BCKDHB: variants seen among roughly 807,000 people sequenced by gnomAD.
BCKDHB encodes the protein 2-oxoisovalerate dehydrogenase subunit beta, mitochondrial.
A neutral mutation model predicts 48.5 loss-of-function variants in BCKDHB; 41 were observed. The ratio of observed to expected loss-of-function variants is 0.85; its 90% CI spans 0.66 to 1.10. BCKDHB has a LOEUF of 1.10. BCKDHB is among the 50% of genes least tolerant of loss of function. BCKDHB has a pLI of 0.00. For synonymous variants in BCKDHB, 201 were observed against 174.8 expected (o/e 1.15, Z -1.18); for missense variants, 496 against 494.2 (o/e 1.00, Z -0.03).
intron 8 of BCKDHB, among the ~76,000 whole-genome samples, chr6:80,258,618 G>C (rs1777157451): frequency 6.6e-6 from 1 of 152,202 alleles, no homozygotes; most frequent in Non-Finnish European, 1.5e-5. Context: ...CCGGGAGAGT[G>C]AGTACCTGCC....
At chr6:80,267,578 A>G (rs1449238993) in intron 8 of BCKDHB, among the ~76,000 whole-genome samples, 1 of 152,086 alleles carries the variant, frequency 6.6e-6, no homozygotes, top group Non-Finnish European at 1.5e-5. Flanking sequence ...TTGTGAGGGG[A>G]CTGACATGCC....
the BCKDHB span, among the ~76,000 whole-genome samples, chr6:80,361,767 G>A: frequency 6.6e-6 from 1 of 152,156 alleles, no homozygotes; most frequent in Admixed American, 6.5e-5. Flanking sequence ...CTTGGAAGCC[G>A]CACATGAAAG....
the BCKDHB span, among the ~76,000 whole-genome samples, chr6:80,376,606 G>T: frequency 6.6e-6 from 1 of 151,432 alleles, no homozygotes; most frequent in East Asian, 2.0e-4. Context: ...TCTGCATACT[G>T]CTCTGTCTGA....
At chr6:80,116,035 A>G (rs1489534885) in intron 1 of BCKDHB, among the ~76,000 whole-genome samples, 2 of 152,192 alleles carry the variant, frequency 1.3e-5, no homozygotes, top group East Asian at 3.9e-4. Flanking sequence ...AATTTTCTGT[A>G]TCATAGCTGT....
At chr6:80,205,794 GTGTGT>G (rs1562135392) in intron 8 of BCKDHB, among the ~76,000 whole-genome samples, 8 of 107,092 alleles carry the variant, frequency 7.5e-5, no homozygotes, top group African/African-American at 2.4e-4. Context: ...TGCCATGGGT[GTGTGT>G]GTGTGTGTGT....
chr6:80,106,643 C>G (rs935014031), upstream of BCKDHB: 1 of 1,533,316 alleles, frequency 6.5e-7, no homozygotes, highest in Non-Finnish European at 8.8e-7. Flanking sequence ...TCCGCCCTCC[C>G]CGCAGGCGGC....
chr6:80,221,889 A>G (rs956477185), intron 8 of BCKDHB, among the ~76,000 whole-genome samples: 1 of 152,232 alleles, frequency 6.6e-6, no homozygotes, highest in Non-Finnish European at 1.5e-5. Flanking sequence ...AATAGCCACA[A>G]TTCAGAATTG....
chr6:80,135,836 C>G (rs1276781524), intron 3 of BCKDHB: 1 of 152,154 alleles, frequency 6.6e-6, no homozygotes, highest in African/African-American at 2.4e-5. Flanking sequence ...CCCATTTTCT[C>G]TCCAACAGTC....
In BCKDHB at chr6:80,344,348, ATTTTT is replaced by A. The variant is rs10579475; in HGVS notation, c.*556_*560del. On this transcript the variant is annotated 3_prime_UTR_variant, in exon 10 of 10. Transcript: ENST00000320393. ...AACATATCTAGCATATGTATATGTGATTTTTTTTTTTTTTTTGAGACCGAGTCTCA... is the reference window on the plus strand; with the variant it reads ...AACATATCTAGCATATGTATATGTGATTTTTTTTTTTGAGACCGAGTCTCA... 3 of 141,008 alleles carry A rather than the reference ATTTTT, an allele frequency of 2.1e-5. No homozygotes were observed. The highest frequency in any genetic ancestry group is 4.4e-4 in the South Asian group (2 of 4,562). The allele number at this position is 141,008 out of a possible 1,614,324, so 8.7% of individuals were successfully genotyped here. A position where few individuals can be genotyped will look rare whatever the true frequency, so the allele number is the denominator to read the frequency against.
At chr6:80,335,224 T>A (rs1348401888) in intron 9 of BCKDHB, among the ~76,000 whole-genome samples, 1 of 105,558 alleles carries the variant, frequency 9.5e-6, no homozygotes, top group Admixed American at 1.3e-4. Flanking sequence ...GATGAAGAAT[T>A]TTGTGGGAAA....
At chr6:80,141,837 A>G (rs1158623889) in intron 3 of BCKDHB, among the ~76,000 whole-genome samples, 1 of 152,118 alleles carries the variant, frequency 6.6e-6, no homozygotes, top group Non-Finnish European at 1.5e-5. Flanking sequence ...TGACATCCAC[A>G]TCCTCAAGCC....
chr6:80,405,070 C>T, the BCKDHB span, among the ~76,000 whole-genome samples: 1 of 152,116 alleles, frequency 6.6e-6, no homozygotes, highest in East Asian at 1.9e-4. Flanking sequence ...TATAGTGCTG[C>T]TCATGTTTAC....
the BCKDHB span, among the ~76,000 whole-genome samples, chr6:80,389,315 G>C: frequency 6.6e-6 from 1 of 152,312 alleles, no homozygotes; most frequent in Non-Finnish European, 1.5e-5. Flanking sequence ...GGCTGACCTG[G>C]CTATGGCCAC....
chr6:80,394,880 A>G, the BCKDHB span, among the ~76,000 whole-genome samples: 9,634 of 152,138 alleles, frequency 0.063, 451 homozygotes, highest in South Asian at 0.19. Context: ...TGGTTACCCT[A>G]TGCTGCTGTT....
rs144226306 is a variant in BCKDHB at position 80,231,854 on chromosome 6, A to G, written c.951+28642A>G. Among the ~76,000 whole-genome samples, 14 of 152,268 alleles carry G rather than the reference A, an allele frequency of 9.2e-5. No individual in the cohort carries two copies. The East Asian group carries it at 2.3e-3, about 25-fold the overall frequency. Reference sequence around the variant, plus strand: ...GTGGCACGCACCTGTAGTCCCAGCTACTTGGGAGGCTGAGGCAGGAGAATT... The same window carrying G: ...GTGGCACGCACCTGTAGTCCCAGCTGCTTGGGAGGCTGAGGCAGGAGAATT... On this transcript the variant is annotated intron_variant, in intron 8 of 9. Transcript: ENST00000320393.
intron 1 of BCKDHB, among the ~76,000 whole-genome samples, chr6:80,116,852 A>G (rs1436461619): frequency 6.6e-6 from 1 of 152,244 alleles, no homozygotes. Context: ...AGTGATGTAT[A>G]TAGATTATTT....
At chr6:80,258,749 T>TA (rs75982957) in intron 8 of BCKDHB, among the ~76,000 whole-genome samples, 6,166 of 139,960 alleles carry the variant, frequency 0.044, 382 homozygotes, top group African/African-American at 0.14. Context: ...TGAGAGTTAG[T>TA]AAAAAAAAAA....
At chr6:80,113,937 T>A (rs956098754) in intron 1 of BCKDHB, among the ~76,000 whole-genome samples, 1 of 152,174 alleles carries the variant, frequency 6.6e-6, no homozygotes, top group Non-Finnish European at 1.5e-5. Flanking sequence ...TGAAGTGAAG[T>A]TACAAAGTTA....
At chr6:80,139,442 A>G (rs1433723726) in intron 3 of BCKDHB, among the ~76,000 whole-genome samples, 1 of 152,064 alleles carries the variant, frequency 6.6e-6, no homozygotes, top group Admixed American at 6.6e-5. Flanking sequence ...TTTAGGTCTA[A>G]CATTTAAGTC....
Sources: gnomAD v4.1 joint callset for allele counts (sites outside exome capture counted in the v4.1 genomes callset) on GRCh38, gnomAD v4.1.1 for gene constraint, MANE v1.5 for transcripts, NCBI Gene and HGNC (gene_info 2026-07-23, HGNC 2026-07-21) for gene names.